Variants in SPATA13 observed in about 807,000 individuals in gnomAD.
The protein encoded by SPATA13 is spermatogenesis associated 13, also known as spermatogenesis-associated protein 13.
A neutral mutation model predicts 104.0 loss-of-function variants in SPATA13; 50 were observed. That is an observed-to-expected ratio of 0.48 (90% CI 0.38 to 0.61). SPATA13 has a LOEUF of 0.61. Ranked by LOEUF, SPATA13 falls within the 20% of genes least tolerant of loss-of-function variation. SPATA13 has a pLI of 0.00. For synonymous variants in SPATA13, 606 were observed against 667.5 expected (o/e 0.91, Z 1.42); for missense variants, 1,524 against 1,690.6 (o/e 0.90, Z 1.73).
chr13:24,251,952 G>C (rs766574789), intron 4 of SPATA13, 90 bp downstream of exon 4: 2 of 1,492,206 alleles, frequency 1.3e-6, no homozygotes, highest in South Asian at 2.7e-5. Context: ...CTGCACCTTC[G>C]CGCCTCCCTT....
intron 3 of SPATA13, among the ~76,000 whole-genome samples, chr13:24,099,548 A>G (rs912863): frequency 0.96 from 145,531 of 152,258 alleles, 69,702 homozygotes; most frequent in Middle Eastern, 0.98. Context: ...TTCAGACCCC[A>G]TGCATCCACA....
At chr13:24,000,193 T>TACA (rs2137671256) in intron 2 of SPATA13, among the ~76,000 whole-genome samples, 2 of 152,328 alleles carry the variant, frequency 1.3e-5, no homozygotes, top group East Asian at 3.9e-4. Flanking sequence ...AGAAGGACAT[T>TACA]GTGCCCTGAA....
At position 24,223,426 on chromosome 13, in the gene SPATA13, C is replaced by T. The variant is rs150850951; in HGVS notation, c.497C>T (p.Pro166Leu). The part of the protein sequence containing the change: ...AQASRGSPLA[P>L]GPACGALRPA... The stretch of plus-strand genomic sequence containing the variant: ...GCAAGCAGGGGCTCCCCCTTAGCAC[C>T]GGGACCAGCATGTGGTGCCCTCAGG... The change falls in exon 2 of 13, where the codon CCG (proline) becomes CTG (leucine). Residue 166 changes from proline (P) to leucine (L), a missense_variant. Physicochemically the swap from Pro to Leu is moderately conservative, Grantham distance 98 (BLOSUM62 -3). This residue lies in a region of SPATA13 where 1,089 missense variants were observed against 1,135.9 expected (regional missense o/e 0.96). Coordinates refer to ENST00000382108, the MANE Select transcript of SPATA13 (RefSeq NM_001166271.3). 2.4e-3 allele frequency: 3,773 copies of T among 1,551,048 alleles called. 6 individuals are homozygous for T. The highest frequency in any genetic ancestry group is 3.0e-3 in the Non-Finnish European group (3,397 of 1,146,992).
In SPATA13 at chr13:24,100,635, A is replaced by G. The variant is rs201298811; in HGVS notation, c.-112+82934A>G. Among the ~76,000 whole-genome samples, 5 of 152,270 alleles carry G rather than the reference A, an allele frequency of 3.3e-5. No homozygotes were observed. The East Asian group carries it at 9.6e-4, about 29-fold the overall frequency. On this transcript the variant is annotated intron_variant, in intron 3 of 14. Coordinates refer to the SPATA13 transcript ENST00000424834. ...CTGAAGCCCATAGAAGGAGGAAGCT[A>G]TTTTCCAAAGGTCACAAAACTAATT...
Position 24,286,211 on chromosome 13 carries a change from C to T in SPATA13, c.2302-3C>T. ...CTGAGCGCACCCCACTGTCTCCTTT[C>T]AGCTGATCAGTGATGGCAACGTGGT... On this transcript the variant is annotated splice_polypyrimidine_tract_variant and splice_region_variant and intron_variant, in intron 5 of 12. Coordinates refer to ENST00000382108, the MANE Select transcript of SPATA13 (RefSeq NM_001166271.3). The surrounding 1 kb of genome is among the most constrained non-coding windows in gnomAD (Gnocchi z 4.9). The T allele has an allele frequency of 6.2e-7, 1 of 1,608,830 alleles. No homozygotes were observed. The highest frequency in any genetic ancestry group is 8.5e-7 in the Non-Finnish European group (1 of 1,176,972).
chr13:24,256,102 C>T (rs1402273613), intron 4 of SPATA13, among the ~76,000 whole-genome samples: 8 of 152,090 alleles, frequency 5.3e-5, no homozygotes, highest in Admixed American at 2.0e-4. Flanking sequence ...GACTGATAAT[C>T]GTGGGTTCAT....
At position 24,080,119 on chromosome 13, in the gene SPATA13, G is replaced by T. The variant is rs560075211; in HGVS notation, c.-112+62418G>T. On this transcript the variant is annotated intron_variant, in intron 3 of 14. Transcript: ENST00000424834. ...GTGAATTATGAAGAAATTACTTCTTGGGTCTTTTATCTAAAACAGGCAAAT... is the reference window on the plus strand; with the variant it reads ...GTGAATTATGAAGAAATTACTTCTTTGGTCTTTTATCTAAAACAGGCAAAT... Among the ~76,000 whole-genome samples, 8 of 152,326 alleles carry T rather than the reference G, an allele frequency of 5.3e-5. No homozygotes were observed. The East Asian group carries it at 1.5e-3, about 29-fold the overall frequency.
At chr13:24,165,835 CT>C (rs1243805240) in intron 1 of SPATA13, among the ~76,000 whole-genome samples, 1 of 152,202 alleles carries the variant, frequency 6.6e-6, no homozygotes, top group African/African-American at 2.4e-5. Flanking sequence ...ACACAGGATT[CT>C]TAGGTCAGGC....
intron 1 of SPATA13, among the ~76,000 whole-genome samples, chr13:24,214,635 C>G (rs1287103367): frequency 6.6e-6 from 1 of 152,186 alleles, no homozygotes; most frequent in East Asian, 1.9e-4. Context: ...CTTCACCTGT[C>G]CCTCAGTCTT....
At chr13:24,183,860 G>C (rs987736033) in intron 1 of SPATA13, among the ~76,000 whole-genome samples, 1 of 152,096 alleles carries the variant, frequency 6.6e-6, no homozygotes, top group Non-Finnish European at 1.5e-5. Context: ...TCCTGGTTTT[G>C]CTCCATGTGA....
chr13:23,997,096 G>T (rs1359913290), intron 2 of SPATA13, among the ~76,000 whole-genome samples: 1 of 152,210 alleles, frequency 6.6e-6, no homozygotes, highest in Non-Finnish European at 1.5e-5. Context: ...AGTCACGATT[G>T]ATAGAAATAT....
intron 3 of SPATA13, among the ~76,000 whole-genome samples, chr13:24,044,922 G>A (rs551269228): frequency 6.6e-6 from 1 of 152,052 alleles, no homozygotes; most frequent in African/African-American, 2.4e-5. Flanking sequence ...GTGAAGAGAG[G>A]TTGGTCAGTG....
intron 2 of SPATA13, among the ~76,000 whole-genome samples, chr13:23,999,138 G>T (rs1875829891): frequency 6.6e-6 from 1 of 151,898 alleles, no homozygotes; most frequent in Non-Finnish European, 1.5e-5. Context: ...TGTTGGCCAG[G>T]CTGGTCTCGA....
chr13:24,003,770 C>T (rs1160283441), intron 2 of SPATA13, among the ~76,000 whole-genome samples: 1 of 152,112 alleles, frequency 6.6e-6, no homozygotes, highest in East Asian at 1.9e-4. Context: ...AGCCATTATC[C>T]ATTATAGTAA....
chr13:24,198,484 T>C (rs1296504546), intron 1 of SPATA13, among the ~76,000 whole-genome samples: 1 of 152,202 alleles, frequency 6.6e-6, no homozygotes, highest in African/African-American at 2.4e-5. Context: ...CCCTTTGCCA[T>C]TAAATCCTTC....
intron 1 of SPATA13, among the ~76,000 whole-genome samples, chr13:23,981,520 A>G (rs1440669721): frequency 3.3e-5 from 5 of 152,254 alleles, no homozygotes; most frequent in South Asian, 4.1e-4. Context: ...GCTAGGAAGC[A>G]GTTGTAAACC....
intron 3 of SPATA13, among the ~76,000 whole-genome samples, chr13:24,093,901 G>A (rs941633429): frequency 8.5e-5 from 13 of 152,050 alleles, no homozygotes; most frequent in Non-Finnish European, 1.5e-4. Flanking sequence ...GGGACCTGAT[G>A]CAGCCTCAAC....
chr13:24,011,942 G>A lies in SPATA13; in HGVS notation c.-146-5725G>A, dbSNP rs1184263731. On this transcript the variant is annotated intron_variant, in intron 2 of 14. Transcript: ENST00000424834. The surrounding 1 kb of genome is among the most constrained non-coding windows in gnomAD (Gnocchi z 4.3). ...AGCGGAGGCTTCAATGTGCACCTCC[G>A]CCTCCCCCTACGGATTGTAAAACTC... Among the ~76,000 whole-genome samples, 4 of 152,302 alleles carry A rather than the reference G, an allele frequency of 2.6e-5. No homozygotes were observed. Among genetic ancestry groups the A allele is most frequent in the African/African-American group, 4.8e-5 (2 of 41,570 alleles).
rs1282737192 is a variant in SPATA13, at chr13:24,305,295, TG to T, written c.*2523del. Reference sequence around the variant, plus strand: ...ACTTATGAATACCAGGATGTGTTTTTGTTAAGTCAGGTTCAATTCGTTGCCC... The same window carrying T: ...ACTTATGAATACCAGGATGTGTTTTTTTAAGTCAGGTTCAATTCGTTGCCC... On this transcript the variant is annotated 3_prime_UTR_variant, in exon 13 of 13. Transcript: ENST00000382108. 2.0e-5 allele frequency: 3 copies of T among 152,126 alleles called. No homozygotes were observed. Among genetic ancestry groups the T allele is most frequent in the Non-Finnish European group, 4.4e-5 (3 of 67,990 alleles). The allele number at this position is 152,126 out of a possible 1,614,324, so 9.4% of individuals were successfully genotyped here. A position where few individuals can be genotyped will look rare whatever the true frequency, so the allele number is the denominator to read the frequency against.
Sources: allele counts gnomAD v4.1 joint callset (sites outside exome capture counted in the v4.1 genomes callset), GRCh38; gene constraint gnomAD v4.1.1; regional missense constraint gnomAD v4.1.1; non-coding constraint Gnocchi (gnomAD v3.1); transcripts MANE v1.5; gene names NCBI Gene and HGNC (gene_info 2026-07-23, HGNC 2026-07-21).